The following LMF1 variants were observed in gnomAD, a reference collection of about 807,000 sequenced individuals.
The protein encoded by LMF1 is lipase maturation factor 1, also known as transmembrane protein 112.
Under a neutral mutation model 60.6 loss-of-function variants are expected in LMF1, and 68 were observed. That is an observed-to-expected ratio of 1.12 (90% CI 0.92 to 1.37). The LOEUF is 1.37. Among genes scored for constraint, LMF1 ranks in the 40% most tolerant of loss-of-function variants. The probability of loss-of-function intolerance (pLI) is 0.00; values close to 1 mark genes in which losing one functional copy is unlikely to be tolerated. For missense variants in LMF1, 948 were observed against 767.2 expected (o/e 1.24, Z -2.78); for synonymous variants, 418 against 324.7 (o/e 1.29, Z -3.09).
intron 1 of LMF1, chr16:980,072 T>C (rs2073300897): frequency 3.3e-6 from 1 of 303,390 alleles, no homozygotes; most frequent in Non-Finnish European, 6.5e-6. Flanking sequence ...CCACCTACGA[T>C]GCGTGGAGCC....
intron 6 of LMF1, among the ~76,000 whole-genome samples, chr16:877,843 G>C (rs1160503279): frequency 6.6e-6 from 1 of 152,202 alleles, no homozygotes; most frequent in Non-Finnish European, 1.5e-5. Context: ...TACCAGTGCA[G>C]AGGTTGTCTG....
Position 970,954 on chromosome 16 carries a change from C to A in LMF1, c.27G>T (p.Ala9=). The A allele has an allele frequency of 2.0e-6, 3 of 1,537,858 alleles. No individual in the cohort carries two copies. Among genetic ancestry groups the A allele is most frequent in the Non-Finnish European group, 2.6e-6 (3 of 1,137,268 alleles). The change falls in exon 1 of 11, where the codon GCG becomes GCT. Residue 9 remains alanine (A), a synonymous_variant. Coordinates refer to ENST00000262301, the MANE Select transcript of LMF1 (RefSeq NM_022773.4). The part of the protein sequence containing the change: MRPDSPTM[A]APAESLRRRK... ...GCCTCCTCAGCGACTCCGCGGGCGC[C>A]GCCATTGTTGGGCTGTCAGGGCGCA...
chr16:908,452 C>G (rs940313748), intron 4 of LMF1, among the ~76,000 whole-genome samples: 1 of 152,158 alleles, frequency 6.6e-6, no homozygotes, highest in Non-Finnish European at 1.5e-5. Flanking sequence ...CTCCAAAGAC[C>G]CCACCCACCC....
At chr16:916,190 G>A (rs2071275015) in intron 3 of LMF1, among the ~76,000 whole-genome samples, 1 of 152,178 alleles carries the variant, frequency 6.6e-6, no homozygotes, top group Non-Finnish European at 1.5e-5. Flanking sequence ...CATTAACTCT[G>A]TGGAAACTAT....
intron 4 of LMF1, among the ~76,000 whole-genome samples, chr16:895,357 C>T (rs2070633691): frequency 6.6e-6 from 1 of 152,230 alleles, no homozygotes; most frequent in African/African-American, 2.4e-5. Context: ...ACATTAATAC[C>T]TCCCAGTAGC....
chr16:890,211 C>T (rs2070441278), intron 5 of LMF1, among the ~76,000 whole-genome samples: 1 of 152,190 alleles, frequency 6.6e-6, no homozygotes, highest in South Asian at 2.1e-4. Flanking sequence ...TCACGGCGGT[C>T]CACCTGCTGC....
At chr16:902,469 A>AGGCTCT (rs1203713782) in intron 4 of LMF1, 2 of 153,928 alleles carry the variant, frequency 1.3e-5, no homozygotes, top group African/African-American at 2.4e-5. Flanking sequence ...TGCCTGTTTC[A>AGGCTCT]GGCTCTGGCT....
At chr16:954,956 A>C (rs534153086) in intron 1 of LMF1, among the ~76,000 whole-genome samples, 4 of 58,994 alleles carry the variant, frequency 6.8e-5, no homozygotes, top group African/African-American at 4.7e-4. Flanking sequence ...CGGTGTGTGC[A>C]TCCACACACA....
chr16:855,721 G>A (rs931969580), intron 10 of LMF1: 13 of 455,948 alleles, frequency 2.9e-5, no homozygotes, highest in Admixed American at 2.8e-4. Context: ...GCCATAACAG[G>A]ACCCTCTCAT....
intron 4 of LMF1, among the ~76,000 whole-genome samples, chr16:908,307 C>T (rs900152156): frequency 9.9e-5 from 15 of 152,204 alleles, no homozygotes; most frequent in Non-Finnish European, 1.2e-4. Context: ...AACCCGGAGA[C>T]AGCATCCCAC....
rs1454674075 is a variant in LMF1, at chr16:869,866, C to T, written c.1416+17G>A. 1 of 1,607,274 alleles carries T rather than the reference C, an allele frequency of 6.2e-7. No homozygotes were observed. The highest frequency in any genetic ancestry group is 1.1e-5 in the South Asian group (1 of 90,420). On this transcript the variant is annotated intron_variant, in intron 9 of 10. Transcript: ENST00000262301. ...GGTACAGGCAGGTCCATGCGCCCGCCAGGGACCGTCCCCCACCTGGAAGGC... is the reference window on the plus strand; with the variant it reads ...GGTACAGGCAGGTCCATGCGCCCGCTAGGGACCGTCCCCCACCTGGAAGGC...
intron 1 of LMF1, chr16:980,988 C>A (rs79541642): frequency 0.17 from 26,838 of 154,190 alleles, 2,602 homozygotes; most frequent in South Asian, 0.33. Context: ...GGACTCAGCG[C>A]CGGGGTCAGC....
At chr16:934,155 G>C in intron 3 of LMF1, 89 bp downstream of exon 3, 6 of 1,595,336 alleles carry the variant, frequency 3.8e-6, no homozygotes, top group Non-Finnish European at 5.1e-6. Context: ...GCTAAGGAAG[G>C]GGAGAGGCCA....
In LMF1 at chr16:869,024, C is replaced by T. The variant is rs559091639; in HGVS notation, c.1449G>A (p.Leu483=). ...TYEHNDWIIH[L]AGKLLASDAE... is the part of the protein sequence containing the mutation. ...CGTCGCTGGCCAGGAGCTTGCCAGC[C>T]AGGTGGATGATCCAGTCGTTGTGCT... The change falls in exon 10 of 11, where the codon CTG becomes CTA. Residue 483 remains leucine (L), a synonymous_variant. Coordinates refer to ENST00000262301, the MANE Select transcript of LMF1 (RefSeq NM_022773.4). 6.2e-6 allele frequency: 10 copies of T among 1,612,662 alleles called. No individual in the cohort carries two copies. In the East Asian group the frequency reaches 2.0e-4, roughly 32 times the overall value.
chr16:916,120 C>T (rs1037355780), intron 3 of LMF1, among the ~76,000 whole-genome samples: 3 of 152,192 alleles, frequency 2.0e-5, no homozygotes, highest in Non-Finnish European at 4.4e-5. Context: ...TTTAACACAA[C>T]GCTTTGGAGG....
intron 1 of LMF1, among the ~76,000 whole-genome samples, chr16:959,759 C>T (rs2072784267): frequency 6.6e-6 from 1 of 151,690 alleles, no homozygotes; most frequent in Admixed American, 6.6e-5. Flanking sequence ...CAGGGCTGAG[C>T]AGATGCTAGA....
At chr16:856,034 TG>T (rs1567129624) in intron 10 of LMF1, 1 of 449,532 alleles carries the variant, frequency 2.2e-6, no homozygotes, top group Admixed American at 2.4e-5. Context: ...ACCCTCTGGG[TG>T]GAGGAGGGTC....
At chr16:965,776 T>A (rs977735677) in intron 1 of LMF1, among the ~76,000 whole-genome samples, 7 of 152,072 alleles carry the variant, frequency 4.6e-5, no homozygotes, top group African/African-American at 9.7e-5. Context: ...ACCTCGGGGC[T>A]GGAGGTGGGT....
intron 3 of LMF1, among the ~76,000 whole-genome samples, chr16:923,310 C>G (rs1051474042): frequency 6.6e-6 from 1 of 152,182 alleles, no homozygotes; most frequent in African/African-American, 2.4e-5. Flanking sequence ...GGGTCCCCAG[C>G]TGTCCACAGT....
Sources: allele counts gnomAD v4.1 joint callset (sites outside exome capture counted in the v4.1 genomes callset), GRCh38; gene constraint gnomAD v4.1.1; transcripts MANE v1.5; gene names NCBI Gene and HGNC (gene_info 2026-07-23, HGNC 2026-07-21).